The following F5 variants were observed in gnomAD, a reference collection of about 807,000 sequenced individuals.
F5 encodes activated protein c cofactor.
F5 carries 138 observed loss-of-function variants against 216.4 expected under a neutral mutation model. That is an observed-to-expected ratio of 0.64 (90% CI 0.56 to 0.73). The LOEUF (loss-of-function observed/expected upper bound fraction) is 0.73. Ranked by LOEUF, F5 falls within the 30% of genes least tolerant of loss-of-function variation. The pLI is 0.00. For missense variants in F5, 2,403 were observed against 2,674.0 expected, an observed-to-expected ratio of 0.90 and a Z score of 2.24; for synonymous variants, 916 against 930.7, an observed-to-expected ratio of 0.98 and a Z score of 0.29.
intron 3 of F5, among the ~76,000 whole-genome samples, chr1:169,566,914 G>A (rs1454907243): frequency 2.0e-5 from 3 of 151,952 alleles, no homozygotes; most frequent in Admixed American, 6.6e-5. Flanking sequence ...AGATAAGATA[G>A]ATCTTAAGTG....
intron 23 of F5, 89 bp downstream of exon 23, chr1:169,518,323 G>A: frequency 6.7e-7 from 1 of 1,489,840 alleles, no homozygotes; most frequent in Non-Finnish European, 9.3e-7. Context: ...AAATACTCCT[G>A]CTTCCCAGAT....
intron 11 of F5, 150 bp downstream of exon 11, chr1:169,546,292 G>A (rs1021478031): frequency 5.5e-5 from 52 of 945,936 alleles, no homozygotes; most frequent in Admixed American, 1.9e-4. Flanking sequence ...TGTCACCCAC[G>A]GATTTCATCA....
chr1:169,561,277 T>C (rs1051580155), intron 3 of F5, among the ~76,000 whole-genome samples: 2 of 98,878 alleles, frequency 2.0e-5, no homozygotes, highest in Non-Finnish European at 3.7e-5. Context: ...CATCTGATTA[T>C]CTCAATTTTT....
intron 2 of F5, among the ~76,000 whole-genome samples, chr1:169,575,611 AGTGAT>A (rs1400617959): frequency 6.6e-6 from 1 of 152,118 alleles, no homozygotes; most frequent in Non-Finnish European, 1.5e-5. Context: ...AGAATATATT[AGTGAT>A]GTATTTATGA....
intron 3 of F5, among the ~76,000 whole-genome samples, chr1:169,562,864 AGATTAAAAC>A (rs1171702119): frequency 1.3e-5 from 2 of 151,996 alleles, no homozygotes; most frequent in African/African-American, 2.4e-5. Flanking sequence ...CCTTTTTAAT[AGATTAAAAC>A]GAGGAAAAAA....
intron 5 of F5, among the ~76,000 whole-genome samples, chr1:169,558,743 G>GT (rs922335647): frequency 7.2e-5 from 11 of 152,038 alleles, no homozygotes; most frequent in Non-Finnish European, 8.8e-5. Context: ...TGAAATGCTG[G>GT]TTTTTTTTGT....
chr1:169,564,720 A>G (rs1260247654), intron 3 of F5, among the ~76,000 whole-genome samples: 1 of 151,996 alleles, frequency 6.6e-6, no homozygotes, highest in African/African-American at 2.4e-5. Context: ...CCCCATCCCA[A>G]CTGTGGAAAA....
intron 2 of F5, among the ~76,000 whole-genome samples, chr1:169,578,838 T>TA (rs1416651077): frequency 6.6e-6 from 1 of 152,188 alleles, no homozygotes; most frequent in Non-Finnish European, 1.5e-5. Context: ...CCATTCTACC[T>TA]AAGGCCAAGC....
chr1:169,514,133 C>T lies in F5; in HGVS notation c.*180G>A. 1 of 616,680 alleles carries T rather than the reference C, an allele frequency of 1.6e-6. No individual in the cohort carries two copies. The highest frequency in any genetic ancestry group is 2.8e-5 in the East Asian group (1 of 35,670). 38.2% of individuals were successfully genotyped at this position (616,680 alleles called of 1,614,324 possible). A position where few individuals can be genotyped will look rare whatever the true frequency, so the allele number is the denominator to read the frequency against. ...TGCAGAAGTAATAGCCATTATCTTA[C>T]TTACTGGTAGCAAGGAGTTACATTA... On this transcript the variant is annotated 3_prime_UTR_variant, in exon 25 of 25. Coordinates refer to ENST00000367797, the MANE Select transcript of F5 (RefSeq NM_000130.5).
chr1:169,527,199 T>G (rs571529880), intron 17 of F5, among the ~76,000 whole-genome samples: 1 of 152,206 alleles, frequency 6.6e-6, no homozygotes, highest in South Asian at 2.1e-4. Flanking sequence ...CTTGGAATTC[T>G]GCCCAAAATC....
chr1:169,572,083 C>A, intron 3 of F5, 138 bp downstream of exon 3: 1 of 978,370 alleles, frequency 1.0e-6, no homozygotes, highest in Non-Finnish European at 1.5e-6. Flanking sequence ...AAACTTACAA[C>A]AGCAACAATT....
chr1:169,557,873 C>T (rs958242526), intron 5 of F5, among the ~76,000 whole-genome samples: 1 of 152,086 alleles, frequency 6.6e-6, no homozygotes, highest in African/African-American at 2.4e-5. Flanking sequence ...TCTGTGTTAG[C>T]ATTTATCATA....
At chr1:169,528,712 G>A (rs374272880) in intron 16 of F5, among the ~76,000 whole-genome samples, 2 of 152,004 alleles carry the variant, frequency 1.3e-5, no homozygotes, top group African/African-American at 2.4e-5. Context: ...TAAAATACGC[G>A]GATTTTTTAA....
At chr1:169,528,713 G>T (rs565720906) in intron 16 of F5, among the ~76,000 whole-genome samples, 1 of 152,240 alleles carries the variant, frequency 6.6e-6, no homozygotes, top group Admixed American at 6.5e-5. Flanking sequence ...AAAATACGCG[G>T]ATTTTTTAAA....
intron 9 of F5, among the ~76,000 whole-genome samples, chr1:169,550,365 C>A (rs1005175849): frequency 4.9e-5 from 7 of 141,962 alleles, no homozygotes; most frequent in African/African-American, 1.1e-4. Context: ...CAATTGAATT[C>A]TTTAAATATT....
chr1:169,573,050 C>A (rs1660763239), intron 2 of F5, among the ~76,000 whole-genome samples: 1 of 151,922 alleles, frequency 6.6e-6, no homozygotes, highest in Admixed American at 6.6e-5. Context: ...TGGGTTCAAG[C>A]AATTCTCCTA....
intron 21 of F5, among the ~76,000 whole-genome samples, chr1:169,522,899 T>C (rs1659343707): frequency 6.6e-6 from 1 of 152,234 alleles, no homozygotes; most frequent in South Asian, 2.1e-4. Context: ...AGACCAGATG[T>C]TCTACTCTGC....
intron 2 of F5, among the ~76,000 whole-genome samples, chr1:169,572,551 A>C (rs1215004890): frequency 1.3e-5 from 2 of 152,202 alleles, no homozygotes; most frequent in Non-Finnish European, 2.9e-5. Flanking sequence ...AATGGTAGAA[A>C]CACTTGTCCT....
Position 169,527,981 on chromosome 1 carries a change from G to A in F5, c.5533C>T (p.His1845Tyr), listed in dbSNP as rs1659499894. 1 of 1,613,748 alleles carries A rather than the reference G, an allele frequency of 6.2e-7. No individual in the cohort carries two copies. Among genetic ancestry groups the A allele is most frequent in the African/African-American group, 1.3e-5 (1 of 74,894 alleles). ...CCATTTTCCAGCAAGGTCTGGCCGT[G>A]AAAGTGAACCACGTGAATGTCTTGG... ...GSQDIHVVHFHGQTLLENGNK... is the reference protein window; with the variant it reads ...GSQDIHVVHFYGQTLLENGNK... Residue 1845 changes from histidine (H) to tyrosine (Y), a missense_variant, in exon 17 of 25, where the codon CAC (histidine) becomes TAC (tyrosine). Around this residue, in one of 4 missense-constraint regions of F5, gnomAD observed 659 missense variants for 787.9 expected, o/e 0.84. Transcript: ENST00000367797.
Sources: gnomAD v4.1 joint callset for allele counts (sites outside exome capture counted in the v4.1 genomes callset) on GRCh38, gnomAD v4.1.1 for gene constraint, gnomAD v4.1.1 regional missense constraint, MANE v1.5 for transcripts, NCBI Gene and HGNC (gene_info 2026-07-23, HGNC 2026-07-21) for gene names.